GNG7: variants seen among roughly 807,000 people sequenced by gnomAD.
GNG7 encodes the protein G protein subunit gamma 7.
A neutral mutation model predicts 4.0 loss-of-function variants in GNG7; 1 was observed. That is an observed-to-expected ratio of 0.25 (90% confidence interval 0.09 to 1.18). GNG7 has a LOEUF of 1.18. Ranked by LOEUF, GNG7 falls within the 50% of genes most tolerant of loss-of-function variation. GNG7 has a pLI of 0.50. For missense variants in GNG7, 86 were observed against 91.9 expected (o/e 0.94, Z 0.26); for synonymous variants, 34 against 36.9 (o/e 0.92, Z 0.29).
chr19:2,518,771 C>G (rs1978294078), intron 4 of GNG7, among the ~76,000 whole-genome samples: 1 of 151,940 alleles, frequency 6.6e-6, no homozygotes, highest in Non-Finnish European at 1.5e-5. Flanking sequence ...CCATGGTGCC[C>G]CAGGGTTTGG....
In GNG7 at chr19:2,626,019, C is replaced by A. The variant is rs1982012402; in HGVS notation, c.-78+20205G>T. Among the ~76,000 whole-genome samples the A allele has an allele frequency of 6.6e-6, 1 of 152,106 alleles. No individual in the cohort carries two copies. The highest frequency in any genetic ancestry group is 1.5e-5 in the Non-Finnish European group (1 of 68,014). On this transcript the variant is annotated intron_variant, in intron 2 of 4. Transcript: ENST00000382159. This position sits in a 1 kb window ranked among gnomAD's most constrained non-coding sequence, Gnocchi z 5.0. Reference sequence around the variant, plus strand: ...GCCAGGCTGGTCTCGAACTCCTGACCTCAGGTGATCCACCCGCCTCGGCCT... The same window carrying A: ...GCCAGGCTGGTCTCGAACTCCTGACATCAGGTGATCCACCCGCCTCGGCCT...
intron 1 of GNG7, among the ~76,000 whole-genome samples, chr19:2,674,375 C>T (rs1043962724): frequency 6.6e-5 from 10 of 152,160 alleles, no homozygotes; most frequent in East Asian, 1.9e-4. Flanking sequence ...GAATCAGAAT[C>T]GTCACACTGC....
intron 3 of GNG7, among the ~76,000 whole-genome samples, chr19:2,551,676 T>TAC (rs1979337703): frequency 1.2e-5 from 1 of 83,536 alleles, no homozygotes. Context: ...ATTTAAAAAA[T>TAC]ATATATATAT....
At chr19:2,624,990 G>A (rs562033412) in intron 2 of GNG7, among the ~76,000 whole-genome samples, 1 of 152,348 alleles carries the variant, frequency 6.6e-6, no homozygotes, top group East Asian at 1.9e-4. Context: ...ACCCCAGGCA[G>A]GGGTGGACGC....
At chr19:2,539,765 T>C (rs1345811791) in intron 3 of GNG7, among the ~76,000 whole-genome samples, 1 of 152,120 alleles carries the variant, frequency 6.6e-6, no homozygotes, top group South Asian at 2.1e-4. Context: ...GAGAACAACC[T>C]AGAGGCCTTG....
At chr19:2,651,896 C>T (rs796732965) in intron 1 of GNG7, among the ~76,000 whole-genome samples, 7 of 151,166 alleles carry the variant, frequency 4.6e-5, no homozygotes, top group African/African-American at 1.2e-4. Flanking sequence ...TAAAATAGGC[C>T]GGGTGCAGTG....
intron 3 of GNG7, among the ~76,000 whole-genome samples, chr19:2,523,638 C>T (rs1978321778): frequency 6.6e-6 from 1 of 152,124 alleles, no homozygotes; most frequent in Non-Finnish European, 1.5e-5. Context: ...ACTCACACAC[C>T]AGCGGGCACA....
At chr19:2,615,162 ACT>A (rs1328914891) in intron 2 of GNG7, among the ~76,000 whole-genome samples, 3 of 142,708 alleles carry the variant, frequency 2.1e-5, no homozygotes, top group Non-Finnish European at 4.6e-5. Context: ...CATCTGTGAC[ACT>A]CTTTTTTTTT....
chr19:2,604,675 A>AAGGAAGGG (rs1981324849), intron 2 of GNG7, among the ~76,000 whole-genome samples: 1 of 142,008 alleles, frequency 7.0e-6, no homozygotes, highest in African/African-American at 2.6e-5. Context: ...GGAAGGAAGG[A>AAGGAAGGG]AGGAAGGGAG....
chr19:2,663,350 C>A (rs571710261), intron 1 of GNG7, among the ~76,000 whole-genome samples: 2 of 151,542 alleles, frequency 1.3e-5, no homozygotes, highest in African/African-American at 2.4e-5. Flanking sequence ...CTCTCTCCCC[C>A]CCCTCCTCTT....
At chr19:2,695,330 T>C (rs971649445) in intron 1 of GNG7, among the ~76,000 whole-genome samples, 1 of 151,426 alleles carries the variant, frequency 6.6e-6, no homozygotes, top group Non-Finnish European at 1.5e-5. Context: ...ATTCAGCTCC[T>C]AGAACACACA....
intron 1 of GNG7, among the ~76,000 whole-genome samples, chr19:2,701,689 A>C: frequency 9.7e-6 from 1 of 103,324 alleles, no homozygotes. Flanking sequence ...AATGAACCCC[A>C]CTTCAAACTC....
intron 2 of GNG7, among the ~76,000 whole-genome samples, chr19:2,592,659 C>G (rs1232657454): frequency 6.8e-6 from 1 of 147,608 alleles, no homozygotes; most frequent in African/African-American, 2.5e-5. Flanking sequence ...ATTGCTTGAG[C>G]CCAGGAGGTC....
chr19:2,592,742 AG>A (rs1160638000), intron 2 of GNG7, among the ~76,000 whole-genome samples: 1 of 1,328 alleles, frequency 7.5e-4, no homozygotes, highest in African/African-American at 3.6e-3. Context: ...GAGGGAAGGA[AG>A]GGGAGGGGAG....
chr19:2,511,651 G>C lies in GNG7; in HGVS notation c.*3371C>G, dbSNP rs531425668. ...ACCTGCCCCAGAACTTGGGCAGGAC[G>C]GGCTGTTAACTTGGAGATGGATGCG... On this transcript the variant is annotated 3_prime_UTR_variant, in exon 5 of 5. Coordinates refer to ENST00000382159, the MANE Select transcript of GNG7 (RefSeq NM_052847.3). This position sits in a 1 kb window ranked among gnomAD's most constrained non-coding sequence, Gnocchi z 6.3. 3.4e-6 allele frequency: 1 copy of C among 294,134 alleles called. No homozygotes were observed. Among genetic ancestry groups the C allele is most frequent in the Admixed American group, 6.5e-5 (1 of 15,442 alleles). 18.2% of individuals were successfully genotyped at this position (294,134 alleles called of 1,614,324 possible).
At chr19:2,525,970 A>AGTTTTTTTTTTTTTTTTTT (rs1568231777) in intron 3 of GNG7, among the ~76,000 whole-genome samples, 1 of 26,782 alleles carries the variant, frequency 3.7e-5, no homozygotes. Context: ...CCTCCACGCC[A>AGTTTTTTTTTTTTTTTTTT]ATTTTTTTTT....
chr19:2,553,836 T>C (rs1979449847), intron 3 of GNG7, among the ~76,000 whole-genome samples: 1 of 147,514 alleles, frequency 6.8e-6, no homozygotes, highest in Non-Finnish European at 1.5e-5. Context: ...ATATTATATG[T>C]AATATTGCAT....
At chr19:2,539,577 T>C (rs531206080) in intron 3 of GNG7, among the ~76,000 whole-genome samples, 1 of 152,006 alleles carries the variant, frequency 6.6e-6, no homozygotes, top group Non-Finnish European at 1.5e-5. Flanking sequence ...AGCGCTGGGA[T>C]TACAGGCGGG....
intron 3 of GNG7, 94 bp from the exon 4 acceptor site, chr19:2,520,819 T>C (rs1978304283): frequency 3.3e-6 from 2 of 610,144 alleles, no homozygotes; most frequent in Admixed American, 2.6e-5. Context: ...TTCCCGACTC[T>C]AGGCACGGCC....
Sources: allele counts gnomAD v4.1 joint callset (sites outside exome capture counted in the v4.1 genomes callset), GRCh38; gene constraint gnomAD v4.1.1; non-coding constraint Gnocchi (gnomAD v3.1); transcripts MANE v1.5; gene names NCBI Gene and HGNC (gene_info 2026-07-23, HGNC 2026-07-21).